CDK14: variants seen among roughly 807,000 people sequenced by gnomAD.
CDK14 encodes cyclin-dependent kinase 14.
Under a neutral mutation model 60.7 loss-of-function variants are expected in CDK14, and 34 were observed. The observed-to-expected ratio is 0.56, with a 90% CI of 0.43 to 0.75. The LOEUF is 0.75. Ranked by LOEUF, CDK14 falls within the 30% of genes least tolerant of loss-of-function variation. CDK14 has a pLI of 0.00. For synonymous variants in CDK14, 197 were observed against 203.7 expected, an observed-to-expected ratio of 0.97 and a Z score of 0.28; for missense variants, 482 against 564.1, an observed-to-expected ratio of 0.85 and a Z score of 1.47.
chr7:90,977,822 CTTA>C (rs1429276600), intron 9 of CDK14, among the ~76,000 whole-genome samples: 2 of 152,036 alleles, frequency 1.3e-5, no homozygotes, highest in Non-Finnish European at 2.9e-5. Context: ...TTTTTGAGCC[CTTA>C]TTATGTGCCT....
chr7:91,120,588 A>G (rs1391934392), intron 14 of CDK14, among the ~76,000 whole-genome samples: 1 of 148,372 alleles, frequency 6.7e-6, no homozygotes, highest in Non-Finnish European at 1.5e-5. Context: ...GGCTAGAGTG[A>G]AGTGGCATAA....
At chr7:91,094,657 T>A (rs559335126) in intron 12 of CDK14, among the ~76,000 whole-genome samples, 82 of 152,346 alleles carry the variant, frequency 5.4e-4, no homozygotes, top group Admixed American at 3.9e-3. Context: ...TCATTTGCCA[T>A]TTTTATACCA....
intron 14 of CDK14, among the ~76,000 whole-genome samples, chr7:91,147,788 A>G (rs1334439239): frequency 6.6e-6 from 1 of 152,094 alleles, no homozygotes; most frequent in Non-Finnish European, 1.5e-5. Flanking sequence ...CAGGATAATG[A>G]CCAACTCTGA....
At chr7:91,056,220 A>G (rs1044269282) in intron 11 of CDK14, among the ~76,000 whole-genome samples, 1 of 152,114 alleles carries the variant, frequency 6.6e-6, no homozygotes, top group African/African-American at 2.4e-5. Context: ...TCACTAAGCC[A>G]AAAGCTTGCA....
chr7:90,922,934 C>A (rs961807103), intron 8 of CDK14, among the ~76,000 whole-genome samples: 1 of 151,944 alleles, frequency 6.6e-6, no homozygotes, highest in African/African-American at 2.4e-5. Context: ...ATATGCACAG[C>A]CTCCCCCACT....
At chr7:91,001,354 C>G (rs1169035259) in intron 10 of CDK14, among the ~76,000 whole-genome samples, 1 of 152,160 alleles carries the variant, frequency 6.6e-6, no homozygotes, top group Non-Finnish European at 1.5e-5. Context: ...AGTCCTGCTA[C>G]TGACTCTCAG....
intron 8 of CDK14, among the ~76,000 whole-genome samples, chr7:90,930,243 A>G (rs1327867079): frequency 6.6e-6 from 1 of 152,220 alleles, no homozygotes; most frequent in African/African-American, 2.4e-5. Flanking sequence ...TCAGTAAAAA[A>G]AAATGCATAG....
At chr7:91,014,040 G>A (rs1012027881) in intron 10 of CDK14, among the ~76,000 whole-genome samples, 2 of 151,882 alleles carry the variant, frequency 1.3e-5, no homozygotes, top group Admixed American at 1.3e-4. Context: ...TAGTTGTCAA[G>A]GTATTAGAAC....
intron 2 of CDK14, among the ~76,000 whole-genome samples, chr7:90,652,298 A>G (rs536796085): frequency 1.6e-4 from 24 of 152,384 alleles, no homozygotes; most frequent in African/African-American, 5.0e-4. Context: ...ATGAGGAAGC[A>G]TAATTATATC....
intron 5 of CDK14, among the ~76,000 whole-genome samples, chr7:90,832,065 C>T (rs1789931846): frequency 6.6e-6 from 1 of 152,084 alleles, no homozygotes; most frequent in African/African-American, 2.4e-5. Context: ...TACATCTGAT[C>T]ATTTTTTTCT....
intron 12 of CDK14, among the ~76,000 whole-genome samples, chr7:91,097,772 C>A (rs1226901963): frequency 6.6e-6 from 1 of 152,124 alleles, no homozygotes; most frequent in Non-Finnish European, 1.5e-5. Flanking sequence ...GATCACCTCA[C>A]AGGCTGGGTG....
At chr7:90,711,384 G>A (rs1802053452) in intron 2 of CDK14, among the ~76,000 whole-genome samples, 1 of 150,370 alleles carries the variant, frequency 6.7e-6, no homozygotes, top group Non-Finnish European at 1.5e-5. Context: ...TTTTTTTTCT[G>A]TTTGGAAGAT....
chr7:90,828,607 C>G (rs922028607), intron 5 of CDK14, among the ~76,000 whole-genome samples: 10 of 152,058 alleles, frequency 6.6e-5, no homozygotes, highest in African/African-American at 2.4e-4. Flanking sequence ...ACACCTCTGT[C>G]TCTGTAGCTA....
chr7:90,966,667 G>T (rs73227082), intron 9 of CDK14, among the ~76,000 whole-genome samples: 2,159 of 152,128 alleles, frequency 0.014, 47 homozygotes, highest in Non-Finnish European at 0.017. Context: ...TACCCTGCTG[G>T]TGTGTGTTTA....
chr7:90,636,566 G>A (rs978870460), intron 2 of CDK14, among the ~76,000 whole-genome samples: 35 of 151,948 alleles, frequency 2.3e-4, no homozygotes, highest in African/African-American at 7.2e-4. Context: ...TTGCATCAAT[G>A]TTCATCAAGG....
chr7:90,855,196 A>G (rs915582900), intron 5 of CDK14, among the ~76,000 whole-genome samples: 1 of 152,236 alleles, frequency 6.6e-6, no homozygotes, highest in Non-Finnish European at 1.5e-5. Flanking sequence ...AATATGTGAT[A>G]TGAGAGCAAA....
At chr7:90,759,632 C>T (rs1485191021) in intron 4 of CDK14, among the ~76,000 whole-genome samples, 1 of 152,174 alleles carries the variant, frequency 6.6e-6, no homozygotes, top group Non-Finnish European at 1.5e-5. Flanking sequence ...ACCTGAGTCC[C>T]CCAGGTTCTG....
intron 2 of CDK14, chr7:90,709,489 C>G: frequency 6.2e-7 from 1 of 1,605,384 alleles, no homozygotes; most frequent in Non-Finnish European, 8.5e-7. Flanking sequence ...CCCTGCATTG[C>G]AAATCAATAT....
chr7:90,686,176 A>T (rs1352767200), intron 2 of CDK14, among the ~76,000 whole-genome samples: 4 of 151,218 alleles, frequency 2.6e-5, no homozygotes, highest in Non-Finnish European at 1.5e-5. Context: ...AACAAATATT[A>T]ATTCTTATTA....
Sources: allele counts gnomAD v4.1 joint callset (sites outside exome capture counted in the v4.1 genomes callset), GRCh38; gene constraint gnomAD v4.1.1; transcripts MANE v1.5; gene names NCBI Gene and HGNC (gene_info 2026-07-23, HGNC 2026-07-21).